Variants in C11orf65 observed in about 807,000 individuals in gnomAD.
C11orf65 encodes protein MFI.
Under a neutral mutation model 35.3 loss-of-function variants are expected in C11orf65, and 38 were observed. That is an observed-to-expected ratio of 1.08 (90% CI 0.83 to 1.41). C11orf65 has a LOEUF of 1.41. Among genes scored for constraint, C11orf65 ranks in the 40% most tolerant of loss-of-function variants. C11orf65 has a pLI of 0.00. For synonymous variants in C11orf65, 105 were observed against 114.4 expected (o/e 0.92, Z 0.53); for missense variants, 370 against 367.1 (o/e 1.01, Z -0.06).
intron 2 of C11orf65, among the ~76,000 whole-genome samples, chr11:108,437,289 A>AT (rs2093075428): frequency 6.6e-6 from 1 of 151,978 alleles, no homozygotes; most frequent in East Asian, 1.9e-4. Flanking sequence ...CTTGCCTCTC[A>AT]AAAACAAAAT....
upstream of C11orf65, among the ~76,000 whole-genome samples, chr11:108,468,249 A>G (rs1183626743): frequency 3.9e-5 from 6 of 152,222 alleles, no homozygotes; most frequent in Non-Finnish European, 5.9e-5. Context: ...TTGCAGTCCA[A>G]TGTTATTTCT....
chr11:108,424,190 C>G (rs917382179), intron 3 of C11orf65, among the ~76,000 whole-genome samples: 1 of 152,052 alleles, frequency 6.6e-6, no homozygotes, highest in African/African-American at 2.4e-5. Context: ...TCTAGAATAA[C>G]CAGTTTAGAG....
intron 2 of C11orf65, among the ~76,000 whole-genome samples, chr11:108,345,059 G>T (rs1314139382): frequency 6.6e-6 from 1 of 152,084 alleles, no homozygotes; most frequent in Non-Finnish European, 1.5e-5. Context: ...CCAGTTTTCT[G>T]TTTGGGGCAG....
In C11orf65 at chr11:108,337,212, G is replaced by A. The variant is rs227065; in HGVS notation, c.227-1920C>T. Among the ~76,000 whole-genome samples the A allele has an allele frequency of 4.8e-3, 724 of 152,256 alleles. 4 individuals carry two copies. The highest frequency in any genetic ancestry group is 0.014 in the Middle Eastern group (4 of 294). ...GACTAAATATAAAACTTATTGGTTG[G>A]GAGAGGGGCATACTGTTCATTAAGG... On this transcript the variant is annotated intron_variant, in intron 2 of 3. Coordinates refer to the C11orf65 transcript ENST00000524755.
At chr11:108,449,070 C>T (rs1203540796) in intron 2 of C11orf65, among the ~76,000 whole-genome samples, 1 of 152,172 alleles carries the variant, frequency 6.6e-6, no homozygotes, top group Non-Finnish European at 1.5e-5. Context: ...GGGAATCCAA[C>T]TTACAAGGGA....
intron 2 of C11orf65, chr11:108,347,486 G>T (rs138925902): frequency 1.3e-5 from 11 of 848,278 alleles, no homozygotes; most frequent in African/African-American, 1.2e-4. Flanking sequence ...GTAAATATTG[G>T]GTTTTTTTGT....
At chr11:108,420,529 T>A (rs957219784) in intron 3 of C11orf65, among the ~76,000 whole-genome samples, 32 of 152,172 alleles carry the variant, frequency 2.1e-4, no homozygotes, top group African/African-American at 7.5e-4. Context: ...AGGGTTGACC[T>A]AGCATCAGGC....
At chr11:108,435,919 AT>A (rs1438441887) in intron 2 of C11orf65, among the ~76,000 whole-genome samples, 13 of 152,120 alleles carry the variant, frequency 8.5e-5, no homozygotes, top group Admixed American at 2.0e-4. Context: ...TTAGGATTGC[AT>A]TTGGAACTAA....
At chr11:108,398,891 T>G (rs552212506) in intron 6 of C11orf65, among the ~76,000 whole-genome samples, 14 of 152,240 alleles carry the variant, frequency 9.2e-5, no homozygotes, top group Middle Eastern at 3.2e-3. Flanking sequence ...TCCAGAATAT[T>G]TGTCTATCAC....
At chr11:108,433,613 A>AC (rs202102868) in intron 2 of C11orf65, among the ~76,000 whole-genome samples, 5 of 151,512 alleles carry the variant, frequency 3.3e-5, no homozygotes, top group South Asian at 2.1e-4. Flanking sequence ...ACAAAACAAA[A>AC]AAAGTACCAA....
intron 2 of C11orf65, among the ~76,000 whole-genome samples, chr11:108,453,850 T>C (rs2093381481): frequency 6.6e-6 from 1 of 152,238 alleles, no homozygotes; most frequent in Non-Finnish European, 1.5e-5. Flanking sequence ...TCAGGGGCAT[T>C]AGCCTGTAAT....
intron 1 of C11orf65, among the ~76,000 whole-genome samples, chr11:108,464,238 T>C (rs972384275): frequency 6.6e-6 from 1 of 152,122 alleles, no homozygotes; most frequent in Non-Finnish European, 1.5e-5. Flanking sequence ...CAACAATTTT[T>C]GTAGGATAGT....
downstream of C11orf65, among the ~76,000 whole-genome samples, chr11:108,380,197 T>G (rs1256828284): frequency 6.6e-6 from 1 of 152,190 alleles, no homozygotes; most frequent in East Asian, 1.9e-4. Context: ...AAAACTGCAT[T>G]GATGCCTTAC....
chr11:108,445,012 A>G (rs2093229143), intron 2 of C11orf65, among the ~76,000 whole-genome samples: 1 of 152,200 alleles, frequency 6.6e-6, no homozygotes, highest in South Asian at 2.1e-4. Context: ...GATTGCTAGC[A>G]CAGCAGTCTG....
intron 6 of C11orf65, chr11:108,317,594 A>G (rs1471624603): frequency 8.2e-7 from 1 of 1,224,076 alleles, no homozygotes; most frequent in East Asian, 3.4e-5. Context: ...TTTCTCTTCT[A>G]TGAATATAAC....
intron 6 of C11orf65, chr11:108,319,944 T>A: frequency 6.3e-7 from 1 of 1,590,958 alleles, no homozygotes; most frequent in Non-Finnish European, 8.6e-7. Context: ...TTCTTTGACT[T>A]ATCTCACAGC....
At chr11:108,332,102 T>G in intron 3 of C11orf65, 1 of 1,579,974 alleles carries the variant, frequency 6.3e-7, no homozygotes, top group South Asian at 1.1e-5. Flanking sequence ...GAATATTTCT[T>G]TTTAAAATCT....
intron 1 of C11orf65, among the ~76,000 whole-genome samples, chr11:108,462,938 A>G (rs1230853032): frequency 1.3e-5 from 2 of 152,080 alleles, no homozygotes; most frequent in African/African-American, 2.4e-5. Flanking sequence ...TGGGCAATAT[A>G]GCGAGACCCC....
At chr11:108,354,082 C>CACACAT (rs1555143116) in intron 2 of C11orf65, among the ~76,000 whole-genome samples, 1,671 of 150,404 alleles carry the variant, frequency 0.011, 23 homozygotes, top group African/African-American at 0.025. Context: ...CACACACACA[C>CACACAT]ACACACACAC....
Sources: allele counts gnomAD v4.1 joint callset (sites outside exome capture counted in the v4.1 genomes callset), GRCh38; gene constraint gnomAD v4.1.1; transcripts MANE v1.5; gene names NCBI Gene and HGNC (gene_info 2026-07-23, HGNC 2026-07-21).